KCTD10: variants seen among roughly 807,000 people sequenced by gnomAD.
KCTD10 encodes BTB/POZ domain-containing adapter for CUL3-mediated RhoA degradation protein 3.
Under a neutral mutation model 34.6 loss-of-function variants are expected in KCTD10, and 13 were observed. The observed-to-expected ratio is 0.38, with a 90% CI of 0.24 to 0.60. The LOEUF (loss-of-function observed/expected upper bound fraction) is 0.60. Among genes scored for constraint, KCTD10 ranks in the 20% least tolerant of loss-of-function variants. The probability of loss-of-function intolerance (pLI) is 0.66; values close to 1 mark genes in which losing one functional copy is unlikely to be tolerated. For missense variants in KCTD10, 256 were observed against 420.3 expected, an observed-to-expected ratio of 0.61 and a Z score of 3.42; for synonymous variants, 156 against 168.8, an observed-to-expected ratio of 0.92 and a Z score of 0.59.
chr12:109,457,042 T>C (rs1428191042), intron 5 of KCTD10: 2 of 154,400 alleles, frequency 1.3e-5, no homozygotes, highest in Non-Finnish European at 2.9e-5. Flanking sequence ...AAAGAAAATG[T>C]GGTCTACACT....
In KCTD10 at chr12:109,477,152, G is replaced by A. The variant is rs1874410503; in HGVS notation, c.3+108C>T. 23 of 1,362,310 alleles carry A rather than the reference G, an allele frequency of 1.7e-5. No homozygotes were observed. The South Asian group carries it at 2.8e-4, about 17-fold the overall frequency. 84.4% of individuals were successfully genotyped at this position (1,362,310 alleles called of 1,614,324 possible). On this transcript the variant is annotated intron_variant, in intron 1 of 6. Transcript: ENST00000228495. ...CCCCCAAATGCCTCTCCACTATCGT[G>A]ACTGCCCCTCATCACACCCCCTCCT...
In KCTD10 at chr12:109,451,839, G is replaced by T; in HGVS notation, c.724-26C>A. 6.3e-7 allele frequency: 1 copy of T among 1,579,484 alleles called. No homozygotes were observed. Among genetic ancestry groups the T allele is most frequent in the South Asian group, 1.2e-5 (1 of 86,692 alleles). ...CTGTGTTCCCACAGTATACAGGGCA[G>T]GTAAGTTATGGCCCACCCCCTCTGC... On this transcript the variant is annotated intron_variant, in intron 6 of 6. Transcript: ENST00000228495. The surrounding 1 kb of genome is among the most constrained non-coding windows in gnomAD (Gnocchi z 5.0).
In KCTD10 at chr12:109,475,820, C is replaced by T. The variant is rs76949522; in HGVS notation, c.3+1440G>A. Among the ~76,000 whole-genome samples, 723 of 152,290 alleles carry T rather than the reference C, an allele frequency of 4.7e-3. 28 individuals are homozygous for T. The East Asian group carries it at 0.084, about 18-fold the overall frequency. On this transcript the variant is annotated intron_variant, in intron 1 of 6. Coordinates refer to ENST00000228495, the MANE Select transcript of KCTD10 (RefSeq NM_031954.5). ...AGTCTGCTGTTACATTTCAACTAAA[C>T]TAAGTCACATAATTGCAGCATTTTA...
At chr12:109,454,467 G>A (rs1566051874) in intron 6 of KCTD10, among the ~76,000 whole-genome samples, 1 of 152,184 alleles carries the variant, frequency 6.6e-6, no homozygotes, top group Non-Finnish European at 1.5e-5. Flanking sequence ...AGTGGCTCAT[G>A]CCTGTAATCC....
intron 1 of KCTD10, 94 bp from the exon 2 acceptor site, chr12:109,469,822 G>A: frequency 6.5e-7 from 1 of 1,545,214 alleles, no homozygotes; most frequent in Non-Finnish European, 8.7e-7. Flanking sequence ...TGTTTTGCTT[G>A]GGCCACGCAT....
chr12:109,471,927 A>C (rs1265834846), intron 1 of KCTD10, among the ~76,000 whole-genome samples: 1 of 152,182 alleles, frequency 6.6e-6, no homozygotes, highest in Non-Finnish European at 1.5e-5. Flanking sequence ...TAAATATGTG[A>C]TATGAAGGAT....
chr12:109,462,693 G>A (rs1592841838), intron 2 of KCTD10, among the ~76,000 whole-genome samples: 2 of 152,214 alleles, frequency 1.3e-5, no homozygotes, highest in African/African-American at 4.8e-5. Flanking sequence ...AGCCAAGAGT[G>A]GCCAGGCAGG....
intron 6 of KCTD10, among the ~76,000 whole-genome samples, chr12:109,452,899 T>TTC (rs756909261): frequency 1.2e-3 from 186 of 150,954 alleles, no homozygotes; most frequent in Admixed American, 3.1e-3. Context: ...ATTTTAAGAC[T>TTC]TCTCATTTTT....
intron 2 of KCTD10, chr12:109,469,304 A>G: frequency 1.7e-6 from 1 of 589,034 alleles, no homozygotes; most frequent in African/African-American, 1.9e-5. Flanking sequence ...TCACAGAAGC[A>G]TGGCAGAGAT....
At chr12:109,466,895 C>T (rs1382475155) in intron 2 of KCTD10, among the ~76,000 whole-genome samples, 1 of 152,252 alleles carries the variant, frequency 6.6e-6, no homozygotes, top group Non-Finnish European at 1.5e-5. Context: ...CTGCAGGATG[C>T]AGGGAGTCTA....
At chr12:109,468,147 G>A (rs1324482016) in intron 2 of KCTD10, among the ~76,000 whole-genome samples, 1 of 152,172 alleles carries the variant, frequency 6.6e-6, no homozygotes, top group Non-Finnish European at 1.5e-5. Context: ...AGCTAAGTGT[G>A]AGATGGCAGC....
In KCTD10 at chr12:109,450,350, A is replaced by T. The variant is rs919963747; in HGVS notation, c.*1245T>A. 1 of 353,164 alleles carries T rather than the reference A, an allele frequency of 2.8e-6. No homozygotes were observed. The highest frequency in any genetic ancestry group is 4.8e-6 in the Non-Finnish European group (1 of 206,468). The allele number at this position is 353,164 out of a possible 1,614,324, so 21.9% of individuals were successfully genotyped here. A position where few individuals can be genotyped will look rare whatever the true frequency, so the allele number is the denominator to read the frequency against. On this transcript the variant is annotated 3_prime_UTR_variant, in exon 7 of 7. Transcript: ENST00000228495. ...GCGCTGCGCCCAGCCGGGCTCCAGC[A>T]GGGGCCGCCACCTGTGCCCCACAAG...
chr12:109,451,578 C>T lies in KCTD10; in HGVS notation c.*17G>A. The T allele has an allele frequency of 6.3e-7, 1 of 1,591,268 alleles. No individual in the cohort carries two copies. The highest frequency in any genetic ancestry group is 8.6e-7 in the Non-Finnish European group (1 of 1,168,112). On this transcript the variant is annotated 3_prime_UTR_variant, in exon 7 of 7. Coordinates refer to ENST00000228495, the MANE Select transcript of KCTD10 (RefSeq NM_031954.5). The surrounding 1 kb of genome is among the most constrained non-coding windows in gnomAD (Gnocchi z 5.0). The stretch of plus-strand genomic sequence containing the variant: ...AGTGGGGGCGGTGAGAGGAGGGCGG[C>T]TCGGTCTCTTGCCTGCTCACTGGTG...
In KCTD10 at chr12:109,450,234, A is replaced by G. The variant is rs1872700883; in HGVS notation, c.*1361T>C. 2 of 398,596 alleles carry G rather than the reference A, an allele frequency of 5.0e-6. No homozygotes were observed. Among genetic ancestry groups the G allele is most frequent in the East Asian group, 3.6e-5 (1 of 28,066 alleles). 24.7% of individuals were successfully genotyped at this position (398,596 alleles called of 1,614,324 possible). On this transcript the variant is annotated 3_prime_UTR_variant, in exon 7 of 7. Coordinates refer to ENST00000228495, the MANE Select transcript of KCTD10 (RefSeq NM_031954.5). Reference sequence around the variant, plus strand: ...AACTACTCTACCTAGTCTAGTCTCAACCACCCCTGTCAGTCACGACTCACT... The same window carrying G: ...AACTACTCTACCTAGTCTAGTCTCAGCCACCCCTGTCAGTCACGACTCACT...
chr12:109,450,189 G>A lies in KCTD10; in HGVS notation c.*1406C>T, dbSNP rs575150059. 136 of 398,466 alleles carry A rather than the reference G, an allele frequency of 3.4e-4. No individual in the cohort carries two copies. Among genetic ancestry groups the A allele is most frequent in the Non-Finnish European group, 5.5e-4 (125 of 226,012 alleles). The allele number at this position is 398,466 out of a possible 1,614,324, so 24.7% of individuals were successfully genotyped here. On this transcript the variant is annotated 3_prime_UTR_variant, in exon 7 of 7. Coordinates refer to ENST00000228495, the MANE Select transcript of KCTD10 (RefSeq NM_031954.5). The stretch of plus-strand genomic sequence containing the variant: ...TTGACAAACCCATCCATCACCTGAC[G>A]CACATTCACATCTCCTGGTAACTAC...
chr12:109,460,546 A>C lies in KCTD10; in HGVS notation c.387+90T>G. On this transcript the variant is annotated intron_variant, in intron 3 of 6. Transcript: ENST00000228495. The surrounding 1 kb of genome is among the most constrained non-coding windows in gnomAD (Gnocchi z 4.5). The stretch of plus-strand genomic sequence containing the variant: ...TCTCACAACATCTCAGTCAGACAGA[A>C]ACTGCCCCCATTTTGCAGAGAGGGA... The C allele has an allele frequency of 1.5e-6, 2 of 1,359,280 alleles. No homozygotes were observed. The highest frequency in any genetic ancestry group is 2.0e-6 in the Non-Finnish European group (2 of 978,428). The allele number at this position is 1,359,280 out of a possible 1,614,324, so 84.2% of individuals were successfully genotyped here.
intron 2 of KCTD10, among the ~76,000 whole-genome samples, chr12:109,462,017 T>G (rs560996810): frequency 2.0e-5 from 3 of 151,924 alleles, no homozygotes; most frequent in African/African-American, 7.3e-5. Flanking sequence ...CTGTTCCACG[T>G]CCTCCTCAGA....
chr12:109,460,559 T>G lies in KCTD10; in HGVS notation c.387+77A>C. ...CAGTCAGACAGAAACTGCCCCCATT[T>G]TGCAGAGAGGGAAAATGAGGAAGGC... On this transcript the variant is annotated intron_variant, in intron 3 of 6. Transcript: ENST00000228495. This position sits in a 1 kb window ranked among gnomAD's most constrained non-coding sequence, Gnocchi z 4.5. 6.9e-7 allele frequency: 1 copy of G among 1,458,674 alleles called. No homozygotes were observed. Among genetic ancestry groups the G allele is most frequent in the East Asian group, 2.3e-5 (1 of 43,584 alleles). The allele number at this position is 1,458,674 out of a possible 1,614,324, so 90.4% of individuals were successfully genotyped here.
chr12:109,450,163 C>T lies in KCTD10; in HGVS notation c.*1432G>A, dbSNP rs1592830566. On this transcript the variant is annotated 3_prime_UTR_variant, in exon 7 of 7. Coordinates refer to ENST00000228495, the MANE Select transcript of KCTD10 (RefSeq NM_031954.5). ...TTTGGTATAAAACGGTAACGATTCC[C>T]TTGACAAACCCATCCATCACCTGAC... 2.5e-6 allele frequency: 1 copy of T among 398,342 alleles called. No homozygotes were observed. Among genetic ancestry groups the T allele is most frequent in the East Asian group, 3.6e-5 (1 of 28,068 alleles). The allele number at this position is 398,342 out of a possible 1,614,324, so 24.7% of individuals were successfully genotyped here.
Sources: gnomAD v4.1 joint callset for allele counts (sites outside exome capture counted in the v4.1 genomes callset) on GRCh38, gnomAD v4.1.1 for gene constraint, Gnocchi (gnomAD v3.1) non-coding constraint, MANE v1.5 for transcripts, NCBI Gene and HGNC (gene_info 2026-07-23, HGNC 2026-07-21) for gene names.